Variants in PDE4B observed in about 807,000 individuals in gnomAD.
PDE4B encodes the protein 3',5'-cyclic-AMP phosphodiesterase 4B.
A neutral mutation model predicts 82.2 loss-of-function variants in PDE4B; 20 were observed. The ratio of observed to expected loss-of-function variants is 0.24; its 90% CI spans 0.17 to 0.35. The LOEUF (loss-of-function observed/expected upper bound fraction) is 0.35. Among genes scored for constraint, PDE4B ranks in the 10% least tolerant of loss-of-function variants. The pLI is 1.00. For missense variants in PDE4B, 655 were observed against 907.2 expected, an observed-to-expected ratio of 0.72 and a Z score of 3.57; for synonymous variants, 320 against 318.9, an observed-to-expected ratio of 1.00 and a Z score of -0.04.
chr1:66,238,470 G>T (rs957674312), intron 3 of PDE4B, among the ~76,000 whole-genome samples: 8 of 152,210 alleles, frequency 5.3e-5, no homozygotes, highest in Admixed American at 3.3e-4. Context: ...GCTATGTGGA[G>T]AAGGTTTGGA....
At chr1:66,263,034 G>A (rs749133642) in intron 6 of PDE4B, among the ~76,000 whole-genome samples, 5 of 152,334 alleles carry the variant, frequency 3.3e-5, no homozygotes, top group South Asian at 2.1e-4. Flanking sequence ...TTATTAAAAT[G>A]CATTATTAAT....
intron 1 of PDE4B, among the ~76,000 whole-genome samples, chr1:65,832,337 A>G (rs1327487783): frequency 6.6e-6 from 1 of 152,228 alleles, no homozygotes; most frequent in Non-Finnish European, 1.5e-5. Context: ...ACTTTTGGCT[A>G]AAGATAAAAA....
chr1:66,260,283 C>A (rs1227437847), intron 6 of PDE4B, among the ~76,000 whole-genome samples: 1 of 152,156 alleles, frequency 6.6e-6, no homozygotes, highest in African/African-American at 2.4e-5. Context: ...TTCCTTGAAA[C>A]CTGTAATCCT....
chr1:66,331,345 C>A (rs923562801), intron 7 of PDE4B, among the ~76,000 whole-genome samples: 1 of 152,098 alleles, frequency 6.6e-6, no homozygotes, highest in African/African-American at 2.4e-5. Context: ...CAAAAACAGT[C>A]GTGTATATAG....
chr1:65,859,906 C>G (rs1031974773), intron 1 of PDE4B, among the ~76,000 whole-genome samples: 1 of 152,296 alleles, frequency 6.6e-6, no homozygotes, highest in East Asian at 1.9e-4. Context: ...CCCTACCCCT[C>G]GTTTTTGCCC....
intron 7 of PDE4B, among the ~76,000 whole-genome samples, chr1:66,327,528 A>G (rs1454806840): frequency 6.6e-6 from 1 of 152,190 alleles, no homozygotes; most frequent in Non-Finnish European, 1.5e-5. Context: ...TAAATGAGAT[A>G]TTTGCAAAAT....
intron 1 of PDE4B, among the ~76,000 whole-genome samples, chr1:65,795,941 G>A (rs1243279491): frequency 2.0e-5 from 3 of 152,218 alleles, no homozygotes; most frequent in African/African-American, 7.2e-5. Context: ...CTTTTGAAAT[G>A]TGGTGTTTCA....
intron 8 of PDE4B, among the ~76,000 whole-genome samples, chr1:66,352,626 T>G (rs1436928565): frequency 6.6e-6 from 1 of 152,220 alleles, no homozygotes; most frequent in African/African-American, 2.4e-5. Flanking sequence ...GACTGTTTGC[T>G]GTTGTGGTTA....
At chr1:66,335,617 A>T (rs577530904) in intron 8 of PDE4B, among the ~76,000 whole-genome samples, 3 of 152,202 alleles carry the variant, frequency 2.0e-5, no homozygotes, top group Non-Finnish European at 2.9e-5. Flanking sequence ...TGATCCCTTA[A>T]TGCTGGCCAC....
chr1:65,850,603 A>C (rs1397525435), intron 1 of PDE4B, among the ~76,000 whole-genome samples: 1 of 152,142 alleles, frequency 6.6e-6, no homozygotes. Flanking sequence ...GTCCATTACA[A>C]AAGTGAATTA....
intron 3 of PDE4B, among the ~76,000 whole-genome samples, chr1:66,194,720 A>T (rs1033003251): frequency 5.3e-5 from 8 of 152,118 alleles, no homozygotes; most frequent in African/African-American, 1.9e-4. Flanking sequence ...GAAAATAATA[A>T]AAAAGGTGAG....
At chr1:66,279,668 C>T (rs982513513) in intron 7 of PDE4B, among the ~76,000 whole-genome samples, 1 of 151,992 alleles carries the variant, frequency 6.6e-6, no homozygotes, top group African/African-American at 2.4e-5. Context: ...TGGTCCTCTA[C>T]AGAAACAGAA....
intron 3 of PDE4B, among the ~76,000 whole-genome samples, chr1:66,086,275 G>C (rs1447529137): frequency 6.6e-6 from 1 of 152,082 alleles, no homozygotes; most frequent in African/African-American, 2.4e-5. Flanking sequence ...AGCTCTCAAG[G>C]GAAGCACTTT....
At chr1:65,926,106 C>A (rs1355191106) in intron 3 of PDE4B, among the ~76,000 whole-genome samples, 1 of 152,126 alleles carries the variant, frequency 6.6e-6, no homozygotes, top group Admixed American at 6.5e-5. Context: ...CCCCCTTGAC[C>A]CTCAAGGACA....
intron 1 of PDE4B, among the ~76,000 whole-genome samples, chr1:65,876,156 G>T (rs1025967895): frequency 6.6e-6 from 1 of 151,738 alleles, no homozygotes; most frequent in Non-Finnish European, 1.5e-5. Context: ...TTAATTTTTA[G>T]CCTGAATCAC....
At chr1:66,073,752 T>C (rs1401014712) in intron 3 of PDE4B, among the ~76,000 whole-genome samples, 2 of 152,164 alleles carry the variant, frequency 1.3e-5, no homozygotes, top group Non-Finnish European at 2.9e-5. Flanking sequence ...GAAATTCTTC[T>C]CTGGCACCCC....
intron 3 of PDE4B, among the ~76,000 whole-genome samples, chr1:66,223,814 C>T (rs984768269): frequency 1.3e-5 from 2 of 152,168 alleles, no homozygotes; most frequent in East Asian, 1.9e-4. Flanking sequence ...AGACTATACA[C>T]CTGCTACCCT....
At chr1:66,138,610 G>A (rs1395388825) in intron 3 of PDE4B, among the ~76,000 whole-genome samples, 1 of 152,180 alleles carries the variant, frequency 6.6e-6, no homozygotes, top group Non-Finnish European at 1.5e-5. Flanking sequence ...GGAAAGAGAT[G>A]TCAGATGGAC....
intron 3 of PDE4B, among the ~76,000 whole-genome samples, chr1:66,139,254 G>T (rs1646120018): frequency 2.0e-5 from 3 of 152,188 alleles, no homozygotes; most frequent in Admixed American, 2.0e-4. Flanking sequence ...TAAGGATGAA[G>T]TTGCTTTAAG....
Sources: allele counts gnomAD v4.1 joint callset (sites outside exome capture counted in the v4.1 genomes callset), GRCh38; gene constraint gnomAD v4.1.1; transcripts MANE v1.5; gene names NCBI Gene and HGNC (gene_info 2026-07-23, HGNC 2026-07-21).